KCNAB2: variants seen among roughly 807,000 people sequenced by gnomAD.
KCNAB2 encodes voltage-gated potassium channel subunit beta-2.
KCNAB2 carries 29 observed loss-of-function variants against 63.6 expected under a neutral mutation model. The observed-to-expected ratio is 0.46, with a 90% CI of 0.34 to 0.62. The LOEUF (loss-of-function observed/expected upper bound fraction) is 0.62, where lower values mean the gene tolerates loss of function less well. KCNAB2 is among the 20% of genes least tolerant of loss of function. The pLI is 0.01. For missense variants in KCNAB2, 359 were observed against 563.9 expected, an observed-to-expected ratio of 0.64 and a Z score of 3.68; for synonymous variants, 222 against 224.2, an observed-to-expected ratio of 0.99 and a Z score of 0.09.
intron 1 of KCNAB2, among the ~76,000 whole-genome samples, chr1:5,996,417 T>G (rs1656940842): frequency 6.6e-6 from 1 of 152,182 alleles, no homozygotes; most frequent in Non-Finnish European, 1.5e-5. Flanking sequence ...GAGGGTGCCC[T>G]GCCACTGCCA....
chr1:6,075,512 G>T (rs1463534524), intron 4 of KCNAB2, among the ~76,000 whole-genome samples: 1 of 152,236 alleles, frequency 6.6e-6, no homozygotes, highest in Non-Finnish European at 1.5e-5. Context: ...AATGGTTGTG[G>T]CAGGTGAAAA....
rs535934493 is a variant in KCNAB2, at chr1:6,073,029, G to A, written c.262+231G>A. 5.9e-5 allele frequency among the ~76,000 whole-genome samples: 9 copies of A among 152,200 alleles called. No homozygotes were observed. The highest frequency in any genetic ancestry group is 5.9e-5 in the Non-Finnish European group (4 of 67,988). On this transcript the variant is annotated intron_variant, in intron 3 of 15. Coordinates refer to ENST00000378083, the MANE Select transcript of KCNAB2 (RefSeq NM_001199862.2). The surrounding 1 kb of genome is among the most constrained non-coding windows in gnomAD (Gnocchi z 5.7). ...AGAGAGACACAGTCTCAGCAGAGGA[G>A]GTGAGGCGGATACTAGGGGCCCCTC...
chr1:6,011,593 G>A (rs867814831), intron 1 of KCNAB2, among the ~76,000 whole-genome samples: 4 of 152,246 alleles, frequency 2.6e-5, no homozygotes, highest in Non-Finnish European at 4.4e-5. Flanking sequence ...GCACTTGGAC[G>A]TCATGCTGAC....
intron 1 of KCNAB2, among the ~76,000 whole-genome samples, chr1:5,997,955 C>G (rs1657029962): frequency 6.6e-6 from 1 of 152,214 alleles, no homozygotes; most frequent in Non-Finnish European, 1.5e-5. Context: ...GGGCTGAGAC[C>G]CAGGAAAGGG....
In KCNAB2 at chr1:6,071,170, T is replaced by C. The variant is rs939363458; in HGVS notation, c.219-1585T>C. ...AGAAGTCGGGGGTTCAGAATGAGGCTTGAGCCCCATGCCGCCTTCCCAGGG... is the reference window on the plus strand; with the variant it reads ...AGAAGTCGGGGGTTCAGAATGAGGCCTGAGCCCCATGCCGCCTTCCCAGGG... On this transcript the variant is annotated intron_variant, in intron 2 of 15. Coordinates refer to ENST00000378083, the MANE Select transcript of KCNAB2 (RefSeq NM_001199862.2). The surrounding 1 kb of genome is among the most constrained non-coding windows in gnomAD (Gnocchi z 8.5). 3.3e-5 allele frequency among the ~76,000 whole-genome samples: 5 copies of C among 152,154 alleles called. No individual in the cohort carries two copies. Among genetic ancestry groups the C allele is most frequent in the African/African-American group, 7.2e-5 (3 of 41,436 alleles).
chr1:6,072,578 T>C (rs1051820561), intron 2 of KCNAB2, among the ~76,000 whole-genome samples, 177 bp from the exon 3 acceptor site: 2 of 152,178 alleles, frequency 1.3e-5, no homozygotes, highest in African/African-American at 4.8e-5. Context: ...GTTGGCACTT[T>C]ACCCCCGGGG....
chr1:6,025,049 C>T (rs1253634284), intron 1 of KCNAB2, among the ~76,000 whole-genome samples: 1 of 152,180 alleles, frequency 6.6e-6, no homozygotes, highest in Non-Finnish European at 1.5e-5. Flanking sequence ...TTCATTTTCC[C>T]ATTCGTTCGC....
chr1:6,074,829 C>A lies in KCNAB2; in HGVS notation c.300+1059C>A, dbSNP rs1368009419. ...AATTAGCTGGGCGTGGTAGGGGCGC[C>A]TGTAATCCCAGCTACTCAGGAGGCT... On this transcript the variant is annotated intron_variant, in intron 4 of 15. Transcript: ENST00000378083. This position sits in a 1 kb window ranked among gnomAD's most constrained non-coding sequence, Gnocchi z 4.9. 2.0e-5 allele frequency among the ~76,000 whole-genome samples: 3 copies of A among 151,914 alleles called. No individual in the cohort carries two copies. The highest frequency in any genetic ancestry group is 4.4e-5 in the Non-Finnish European group (3 of 68,002).
chr1:6,090,485 C>G lies in KCNAB2; in HGVS notation c.601+10C>G. On this transcript the variant is annotated intron_variant, in intron 9 of 15. Transcript: ENST00000378083. ...AACACCCCGATGGAAGGTAGGTGGT[C>G]TGCGGCGGCGCCACCGGTTAGGCCT... 1 of 1,608,890 alleles carries G rather than the reference C, an allele frequency of 6.2e-7. No individual in the cohort carries two copies. The highest frequency in any genetic ancestry group is 1.1e-5 in the South Asian group (1 of 90,898).
intron 10 of KCNAB2, among the ~76,000 whole-genome samples, chr1:6,094,106 C>T (rs1034742595): frequency 1.3e-5 from 2 of 152,188 alleles, no homozygotes; most frequent in African/African-American, 4.8e-5. Flanking sequence ...TCTAATCTAC[C>T]ATAGAAACAT....
At chr1:6,066,788 A>C (rs1389940096) in intron 2 of KCNAB2, among the ~76,000 whole-genome samples, 1 of 152,170 alleles carries the variant, frequency 6.6e-6, no homozygotes, top group Non-Finnish European at 1.5e-5. Flanking sequence ...CCTCCACCTG[A>C]GCCAGGCCCA....
intron 1 of KCNAB2, among the ~76,000 whole-genome samples, chr1:6,025,266 C>A (rs1490714178): frequency 2.0e-5 from 3 of 152,150 alleles, no homozygotes; most frequent in African/African-American, 7.2e-5. Flanking sequence ...GGGGTGCCAG[C>A]CTCCCTCCTG....
At chr1:6,091,454 C>T (rs1046952710) in intron 10 of KCNAB2, 147 bp downstream of exon 10, 6 of 636,926 alleles carry the variant, frequency 9.4e-6, no homozygotes, top group Non-Finnish European at 1.6e-5. Context: ...TATGAGAACA[C>T]CTTGCAAGTG....
intron 1 of KCNAB2, among the ~76,000 whole-genome samples, chr1:5,997,246 TC>T (rs1656991238): frequency 1.3e-5 from 2 of 152,260 alleles, no homozygotes; most frequent in South Asian, 4.1e-4. Flanking sequence ...TGGCTTTCCT[TC>T]TGCGTGGTTT....
rs912178328 is a variant in KCNAB2, at chr1:6,074,063, C to G, written c.300+293C>G. Among the ~76,000 whole-genome samples the G allele has an allele frequency of 5.3e-5, 8 of 152,236 alleles. No individual in the cohort carries two copies. The highest frequency in any genetic ancestry group is 1.0e-4 in the Non-Finnish European group (7 of 68,038). Reference sequence around the variant, plus strand: ...CTCAGATTTCCCACACGCGTGACCCCCATTCCACAGTTAACGAGGAGAATT... The same window carrying G: ...CTCAGATTTCCCACACGCGTGACCCGCATTCCACAGTTAACGAGGAGAATT... On this transcript the variant is annotated intron_variant, in intron 4 of 15. Transcript: ENST00000378083. The surrounding 1 kb of genome is among the most constrained non-coding windows in gnomAD (Gnocchi z 4.9).
At chr1:6,039,796 C>T (rs1380632222) in intron 1 of KCNAB2, among the ~76,000 whole-genome samples, 1 of 152,228 alleles carries the variant, frequency 6.6e-6, no homozygotes, top group African/African-American at 2.4e-5. Context: ...AGCTGTCGGC[C>T]CGAGGCTGCC....
chr1:6,059,110 G>A (rs1662090587), intron 2 of KCNAB2, among the ~76,000 whole-genome samples: 2 of 152,204 alleles, frequency 1.3e-5, no homozygotes, highest in South Asian at 2.1e-4. Flanking sequence ...TGGTTGCCTT[G>A]TAACCGACTG....
intron 9 of KCNAB2, 45 bp downstream of exon 9, chr1:6,090,520 C>A: frequency 6.8e-7 from 1 of 1,465,976 alleles, no homozygotes; most frequent in Non-Finnish European, 9.5e-7. Flanking sequence ...TGGGCGGGGT[C>A]TGAAGGGTCT....
At chr1:6,019,111 A>G (rs754972517) in intron 1 of KCNAB2, among the ~76,000 whole-genome samples, 2 of 151,858 alleles carry the variant, frequency 1.3e-5, no homozygotes, top group Admixed American at 6.6e-5. Context: ...GGGCAACATA[A>G]CAAGATTCTG....
Sources: allele counts gnomAD v4.1 joint callset (sites outside exome capture counted in the v4.1 genomes callset), GRCh38; gene constraint gnomAD v4.1.1; non-coding constraint Gnocchi (gnomAD v3.1); transcripts MANE v1.5; gene names NCBI Gene and HGNC (gene_info 2026-07-23, HGNC 2026-07-21).